Variants in UMAD1 observed in about 807,000 individuals in gnomAD.
The protein encoded by UMAD1 is UBAP1-MVB12-associated (UMA) domain containing 1.
UMAD1 carries 8 observed loss-of-function variants against 6.1 expected under a neutral mutation model. That is an observed-to-expected ratio of 1.30 (90% CI 0.76 to 2.35). The LOEUF (loss-of-function observed/expected upper bound fraction) is 2.35, where lower values mean the gene tolerates loss of function less well. UMAD1 is among the 30% of genes most tolerant of loss of function. The pLI is 0.00. For synonymous variants in UMAD1, 56 were observed against 31.4 expected, an observed-to-expected ratio of 1.78 and a Z score of -2.61; for missense variants, 130 against 78.4, an observed-to-expected ratio of 1.66 and a Z score of -2.49.
At chr7:7,756,700 C>A (rs1009600193) in intron 2 of UMAD1, among the ~76,000 whole-genome samples, 1 of 152,134 alleles carries the variant, frequency 6.6e-6, no homozygotes, top group African/African-American at 2.4e-5. Context: ...AATCTGTTTC[C>A]CGTTTGGTTA....
intron 3 of UMAD1, among the ~76,000 whole-genome samples, chr7:7,850,903 G>A (rs13233967): frequency 6.6e-6 from 1 of 151,858 alleles, no homozygotes; most frequent in African/African-American, 2.4e-5. Flanking sequence ...TAGATGGGTT[G>A]CAATAAATTT....
At chr7:7,752,480 CTT>C (rs1351667569) in intron 2 of UMAD1, among the ~76,000 whole-genome samples, 23 of 151,946 alleles carry the variant, frequency 1.5e-4, no homozygotes, top group Admixed American at 1.5e-3. Flanking sequence ...ACATATGAAA[CTT>C]TGAAATACCC....
chr7:7,842,374 C>T (rs923317641), intron 3 of UMAD1, among the ~76,000 whole-genome samples: 6 of 152,066 alleles, frequency 3.9e-5, no homozygotes, highest in Middle Eastern at 3.4e-3. Flanking sequence ...TAATCCAAAA[C>T]GTGGACCTTA....
At chr7:7,821,969 A>G (rs1168626709) in intron 3 of UMAD1, among the ~76,000 whole-genome samples, 2 of 152,134 alleles carry the variant, frequency 1.3e-5, no homozygotes, top group Admixed American at 6.6e-5. Context: ...TTATTATATT[A>G]TTACATATTA....
intron 2 of UMAD1, among the ~76,000 whole-genome samples, chr7:7,725,208 T>G (rs1452576009): frequency 6.6e-6 from 1 of 152,176 alleles, no homozygotes; most frequent in African/African-American, 2.4e-5. Flanking sequence ...TGGGCCTGTT[T>G]GGATTTTGGA....
At chr7:7,769,710 C>T (rs754867096) in intron 2 of UMAD1, among the ~76,000 whole-genome samples, 3 of 152,108 alleles carry the variant, frequency 2.0e-5, no homozygotes, top group Non-Finnish European at 2.9e-5. Context: ...TGTCCTACGA[C>T]GGAGTCCTGA....
chr7:7,714,896 CTGTTGTACCA>C (rs1324970489), intron 2 of UMAD1, among the ~76,000 whole-genome samples: 4 of 145,686 alleles, frequency 2.7e-5, no homozygotes, highest in Non-Finnish European at 6.0e-5. Context: ...ACTTGCAGAC[CTGTTGTACCA>C]TGTGGTTGAA....
intron 2 of UMAD1, among the ~76,000 whole-genome samples, chr7:7,773,427 C>T (rs1479477752): frequency 6.6e-6 from 1 of 152,172 alleles, no homozygotes; most frequent in Non-Finnish European, 1.5e-5. Flanking sequence ...CAACATTAGG[C>T]TGTCAATTTA....
chr7:7,784,673 A>C (rs889495844), intron 2 of UMAD1, among the ~76,000 whole-genome samples: 1 of 150,980 alleles, frequency 6.6e-6, no homozygotes, highest in African/African-American at 2.4e-5. Context: ...GAAAAGTGCT[A>C]TATCAGAAAA....
At chr7:7,811,310 G>A (rs1783017802) in intron 3 of UMAD1, among the ~76,000 whole-genome samples, 1 of 152,102 alleles carries the variant, frequency 6.6e-6, no homozygotes, top group South Asian at 2.1e-4. Context: ...TGGATATGAA[G>A]CATAGTTAGA....
chr7:7,778,238 G>A (rs202139980), intron 2 of UMAD1, among the ~76,000 whole-genome samples: 90 of 58,108 alleles, frequency 1.5e-3, no homozygotes, highest in Non-Finnish European at 2.9e-3. Context: ...GTGTGTGTGT[G>A]TGTGTGTGTG....
intron 3 of UMAD1, among the ~76,000 whole-genome samples, chr7:7,855,185 G>A (rs113295005): frequency 2.0e-5 from 3 of 152,336 alleles, no homozygotes; most frequent in South Asian, 2.1e-4. Flanking sequence ...GGTGCAAGCT[G>A]TCAGTGAATC....
At chr7:7,726,699 A>T (rs1483387954) in intron 2 of UMAD1, among the ~76,000 whole-genome samples, 1 of 152,146 alleles carries the variant, frequency 6.6e-6, no homozygotes, top group East Asian at 1.9e-4. Context: ...TTAGTTCCAG[A>T]TAGAGATGTT....
chr7:7,807,360 C>T (rs1782938279), intron 3 of UMAD1, among the ~76,000 whole-genome samples: 1 of 152,028 alleles, frequency 6.6e-6, no homozygotes, highest in African/African-American at 2.4e-5. Flanking sequence ...TTTAGAAATA[C>T]AGAAGCAAAT....
At chr7:7,790,767 A>T (rs1782553646) in intron 2 of UMAD1, among the ~76,000 whole-genome samples, 1 of 152,208 alleles carries the variant, frequency 6.6e-6, no homozygotes, top group African/African-American at 2.4e-5. Context: ...AATAAAACCA[A>T]CCAGCTTCTG....
intron 2 of UMAD1, chr7:7,676,025 C>T: frequency 2.5e-6 from 1 of 397,384 alleles, no homozygotes; most frequent in African/African-American, 2.1e-5. Context: ...TGGTATCAGT[C>T]AGCATCATGT....
At chr7:7,711,547 T>G (rs1583763317) in intron 2 of UMAD1, among the ~76,000 whole-genome samples, 1 of 152,336 alleles carries the variant, frequency 6.6e-6, no homozygotes, top group African/African-American at 2.4e-5. Context: ...TTTATCAGTC[T>G]GTTGGTTAGA....
At chr7:7,685,160 T>C (rs943605296) in intron 2 of UMAD1, among the ~76,000 whole-genome samples, 5 of 152,118 alleles carry the variant, frequency 3.3e-5, no homozygotes, top group African/African-American at 1.2e-4. Context: ...TCATATAGGG[T>C]TGGAAGACCT....
chr7:7,871,896 T>C (rs1784339221), intron 3 of UMAD1, among the ~76,000 whole-genome samples: 1 of 151,840 alleles, frequency 6.6e-6, no homozygotes, highest in African/African-American at 2.4e-5. Context: ...ATATTGCTGC[T>C]GGAGAGTTAA....
Sources: allele counts gnomAD v4.1 joint callset (sites outside exome capture counted in the v4.1 genomes callset), GRCh38; gene constraint gnomAD v4.1.1; transcripts MANE v1.5; gene names NCBI Gene and HGNC (gene_info 2026-07-23, HGNC 2026-07-21).